MEMO1: variants seen among roughly 807,000 people sequenced by gnomAD.
The protein encoded by MEMO1 is mediator of cell motility 1, also known as protein MEMO1.
Under a neutral mutation model 45.2 loss-of-function variants are expected in MEMO1, and 6 were observed. The observed-to-expected ratio is 0.13, with a 90% CI of 0.07 to 0.26. MEMO1 has a LOEUF of 0.26. MEMO1 is among the 10% of genes least tolerant of loss of function. MEMO1 has a pLI of 1.00. For synonymous variants in MEMO1, 78 were observed against 124.3 expected (o/e 0.63, Z 2.48); for missense variants, 184 against 370.5 (o/e 0.50, Z 4.13).
At position 32,003,731 on chromosome 2, in the gene MEMO1, A is replaced by G. The variant is rs77803770; in HGVS notation, c.61+6456T>C. Among the ~76,000 whole-genome samples the G allele has an allele frequency of 3.1e-4, 47 of 152,316 alleles. No individual in the cohort carries two copies. The East Asian group carries it at 7.1e-3, about 23-fold the overall frequency. On this transcript the variant is annotated intron_variant, in intron 2 of 9. Coordinates refer to ENST00000404530, the MANE Select transcript of MEMO1 (RefSeq NM_001301833.4). ...TAAACGGGAAACAACAAAAGCACTA[A>G]CCAACTGATAAACTGGACTTCTTTA...
At chr2:31,910,462 T>A (rs1217503139) in intron 6 of MEMO1, among the ~76,000 whole-genome samples, 1 of 152,202 alleles carries the variant, frequency 6.6e-6, no homozygotes, top group Non-Finnish European at 1.5e-5. Context: ...TTATAGCTTA[T>A]GGATAAGTGA....
chr2:31,979,345 C>T (rs1670381134), intron 2 of MEMO1, among the ~76,000 whole-genome samples: 1 of 152,186 alleles, frequency 6.6e-6, no homozygotes, highest in South Asian at 2.1e-4. Flanking sequence ...AAAATATTAA[C>T]AATAATCACA....
At chr2:31,919,805 G>A (rs367549361) in intron 5 of MEMO1, among the ~76,000 whole-genome samples, 4 of 152,066 alleles carry the variant, frequency 2.6e-5, no homozygotes, top group Middle Eastern at 3.4e-3. Context: ...CCTGGGCAAC[G>A]GAGTGAGACC....
chr2:31,974,415 A>G (rs1669762275), intron 2 of MEMO1, among the ~76,000 whole-genome samples: 1 of 152,192 alleles, frequency 6.6e-6, no homozygotes, highest in Admixed American at 6.5e-5. Flanking sequence ...GGTGTTATAT[A>G]CTTTTCCAAT....
intron 6 of MEMO1, among the ~76,000 whole-genome samples, chr2:31,901,770 G>A (rs1056739219): frequency 2.0e-5 from 3 of 151,928 alleles, no homozygotes; most frequent in Non-Finnish European, 4.4e-5. Context: ...TTAGCTGGGC[G>A]TGGTGGCGTG....
chr2:32,008,294 T>C lies in MEMO1; in HGVS notation c.61+1893A>G, dbSNP rs141160368. Among the ~76,000 whole-genome samples the C allele has an allele frequency of 1.3e-3, 202 of 152,332 alleles. 1 individual carries two copies. In the East Asian group the frequency reaches 0.03, roughly 22 times the overall value. ...CAAACTACAACGAAAGTTTAAAACA[T>C]TGAACTTCTGGCCTGGCACAGTGGC... On this transcript the variant is annotated intron_variant, in intron 2 of 9. Transcript: ENST00000404530.
chr2:31,917,231 A>G (rs568726720), intron 6 of MEMO1, among the ~76,000 whole-genome samples: 1 of 152,336 alleles, frequency 6.6e-6, no homozygotes, highest in African/African-American at 2.4e-5. Context: ...TATATAGGAA[A>G]TGGTTTTAAA....
chr2:31,925,475 CAAAAAA>C lies in MEMO1; in HGVS notation c.213-4571_213-4566del, dbSNP rs70964741. 3.5e-3 allele frequency among the ~76,000 whole-genome samples: 276 copies of C among 79,220 alleles called. 2 individuals carry two copies. Among genetic ancestry groups the C allele is most frequent in the Non-Finnish European group, 4.8e-3 (213 of 44,072 alleles). 52.0% of individuals were successfully genotyped at this position (79,220 alleles called of 152,430 possible). A position where few individuals can be genotyped will look rare whatever the true frequency, so the allele number is the denominator to read the frequency against. ...TGGGGGACAGAGCAAGACTCCGTCTCAAAAAAAAAAAAAAAAAAAAAAAATCTGTTC... is the reference window on the plus strand; with the variant it reads ...TGGGGGACAGAGCAAGACTCCGTCTCAAAAAAAAAAAAAAAAAATCTGTTC... On this transcript the variant is annotated intron_variant, in intron 4 of 9. Coordinates refer to ENST00000404530, the MANE Select transcript of MEMO1 (RefSeq NM_001301833.4).
chr2:31,946,295 G>T (rs1489096685), intron 2 of MEMO1, among the ~76,000 whole-genome samples: 1 of 152,004 alleles, frequency 6.6e-6, no homozygotes, highest in Non-Finnish European at 1.5e-5. Context: ...CTGAAATTAA[G>T]CATCTACTGT....
intron 2 of MEMO1, among the ~76,000 whole-genome samples, chr2:31,961,037 T>C (rs1022446311): frequency 1.3e-5 from 2 of 152,218 alleles, no homozygotes; most frequent in African/African-American, 4.8e-5. Flanking sequence ...TCAGCTAATT[T>C]AGATATACTT....
At chr2:31,941,412 AC>A (rs1465422881) in intron 3 of MEMO1, among the ~76,000 whole-genome samples, 1 of 152,104 alleles carries the variant, frequency 6.6e-6, no homozygotes, top group African/African-American at 2.4e-5. Flanking sequence ...GTAACACCCT[AC>A]CCATACTGTC....
intron 8 of MEMO1, among the ~76,000 whole-genome samples, chr2:31,873,130 G>C (rs572603885): frequency 2.6e-5 from 4 of 152,282 alleles, no homozygotes; most frequent in East Asian, 1.9e-4. Context: ...TAAAAGAGTA[G>C]AAGATATGAT....
intron 2 of MEMO1, among the ~76,000 whole-genome samples, chr2:31,960,223 T>C (rs1667858465): frequency 6.6e-6 from 1 of 151,944 alleles, no homozygotes; most frequent in South Asian, 2.1e-4. Flanking sequence ...TTCTAAAATG[T>C]TTTCTGCACA....
At chr2:31,884,276 T>C (rs1043736225) in intron 7 of MEMO1, among the ~76,000 whole-genome samples, 6 of 152,082 alleles carry the variant, frequency 3.9e-5, no homozygotes, top group African/African-American at 1.4e-4. Flanking sequence ...TTATGGGGAG[T>C]ATTACTCAAC....
intron 3 of MEMO1, among the ~76,000 whole-genome samples, chr2:31,942,124 C>T (rs775893040): frequency 3.9e-5 from 6 of 152,156 alleles, no homozygotes; most frequent in Non-Finnish European, 7.4e-5. Flanking sequence ...TCAAAATTAA[C>T]TGAATTCATA....
At chr2:31,955,540 AT>A (rs1251787151) in intron 2 of MEMO1, among the ~76,000 whole-genome samples, 11 of 152,288 alleles carry the variant, frequency 7.2e-5, no homozygotes, top group Admixed American at 2.6e-4. Flanking sequence ...ATCTTTTAAA[AT>A]CTTCTGTTTT....
At chr2:31,919,960 GT>G (rs1338295809) in intron 5 of MEMO1, among the ~76,000 whole-genome samples, 14 of 151,664 alleles carry the variant, frequency 9.2e-5, no homozygotes, top group African/African-American at 3.4e-4. Context: ...GTGTGTGTGT[GT>G]GTGTGTGTGT....
At chr2:31,892,805 T>C (rs1323924054) in intron 6 of MEMO1, among the ~76,000 whole-genome samples, 3 of 152,212 alleles carry the variant, frequency 2.0e-5, no homozygotes, top group East Asian at 3.8e-4. Flanking sequence ...ACAATGTTTA[T>C]GGCATATCCA....
chr2:31,925,652 T>C (rs562234214), intron 4 of MEMO1, among the ~76,000 whole-genome samples: 57 of 152,166 alleles, frequency 3.7e-4, no homozygotes, highest in Non-Finnish European at 5.4e-4. Context: ...TAAAACTATT[T>C]TCATAAGAAT....
Sources: gnomAD v4.1 joint callset for allele counts (sites outside exome capture counted in the v4.1 genomes callset) on GRCh38, gnomAD v4.1.1 for gene constraint, MANE v1.5 for transcripts, NCBI Gene and HGNC (gene_info 2026-07-23, HGNC 2026-07-21) for gene names.